The following NFYB variants were observed in gnomAD, a reference collection of about 807,000 sequenced individuals.
NFYB encodes nuclear transcription factor Y subunit beta.
NFYB carries 13 observed loss-of-function variants against 28.0 expected under a neutral mutation model. The observed-to-expected ratio is 0.46, with a 90% confidence interval of 0.30 to 0.74. The LOEUF (loss-of-function observed/expected upper bound fraction) is 0.74. Among genes scored for constraint, NFYB ranks in the 30% least tolerant of loss-of-function variants. The pLI, the probability that NFYB is intolerant of heterozygous loss-of-function variation, is 0.07. For synonymous variants in NFYB, 74 were observed against 75.0 expected, an observed-to-expected ratio of 0.99 and a Z score of 0.07; for missense variants, 142 against 247.6, an observed-to-expected ratio of 0.57 and a Z score of 2.86.
At chr12:104,128,637 A>G (rs1299768679) in intron 2 of NFYB, 120 bp from the exon 3 acceptor site, 7 of 543,504 alleles carry the variant, frequency 1.3e-5, no homozygotes, top group Non-Finnish European at 2.3e-5. Context: ...CCTTAAGCTT[A>G]CTAAAAGAGA....
chr12:104,128,586 T>C, intron 2 of NFYB, 69 bp from the exon 3 acceptor site: 7 of 1,017,388 alleles, frequency 6.9e-6, no homozygotes, highest in South Asian at 6.8e-5. Context: ...TCAACACTTA[T>C]AAACTGTCAC....
chr12:104,121,938 T>C (rs2030491744), intron 5 of NFYB, among the ~76,000 whole-genome samples: 1 of 152,210 alleles, frequency 6.6e-6, no homozygotes, highest in Admixed American at 6.5e-5. Flanking sequence ...TAAGCTGGCA[T>C]GTGGAAATAA....
intron 2 of NFYB, among the ~76,000 whole-genome samples, chr12:104,129,304 T>C (rs1565826162): frequency 1.4e-5 from 2 of 148,014 alleles, no homozygotes; most frequent in Admixed American, 1.4e-4. Flanking sequence ...ACCTGTCTCT[T>C]AAAAAAAAAA....
intron 3 of NFYB, among the ~76,000 whole-genome samples, chr12:104,127,583 TAAA>T (rs71069718): frequency 8.5e-5 from 7 of 82,482 alleles, no homozygotes; most frequent in Non-Finnish European, 1.5e-4. Context: ...AAATAAAAAA[TAAA>T]AAAAAAAAAA....
chr12:104,126,829 G>T (rs2030735228), intron 3 of NFYB, among the ~76,000 whole-genome samples: 1 of 152,136 alleles, frequency 6.6e-6, no homozygotes. Context: ...ACTCATTTAT[G>T]TAAAAGTCTA....
In NFYB at chr12:104,120,418, G is replaced by A. The variant is rs762175011; in HGVS notation, c.573C>T (p.Tyr191=). The A allele has an allele frequency of 2.9e-5, 47 of 1,613,370 alleles. No homozygotes were observed. Among genetic ancestry groups the A allele is most frequent in the Middle Eastern group, 3.4e-4 (2 of 5,844 alleles). The change falls in exon 7 of 8, where the codon TAC becomes TAT. Residue 191 remains tyrosine (Y), a synonymous_variant. Transcript: ENST00000240055. ...ACTGTACCTGTTGATATGATGTTGTGTAAACCATAACATTTTGTTGTTGAC... is the reference window on the plus strand; with the variant it reads ...ACTGTACCTGTTGATATGATGTTGTATAAACCATAACATTTTGTTGTTGAC... ...TDGQQQNVMV[Y]TTSYQQISGV... is the part of the protein sequence containing the mutation.
intron 4 of NFYB, chr12:104,125,161 G>C (rs887610927): frequency 6.6e-6 from 1 of 152,060 alleles, no homozygotes; most frequent in Admixed American, 6.5e-5. Context: ...GATTTGTTTT[G>C]GAAAATTCTT....
intron 6 of NFYB, among the ~76,000 whole-genome samples, chr12:104,120,819 C>T (rs948423453): frequency 6.6e-6 from 1 of 152,066 alleles, no homozygotes; most frequent in African/African-American, 2.4e-5. Flanking sequence ...AACTGAGCAG[C>T]ATATAGTTTA....
At chr12:104,135,297 G>A in intron 2 of NFYB, 151 bp downstream of exon 2, 1 of 573,540 alleles carries the variant, frequency 1.7e-6, no homozygotes, top group Non-Finnish European at 3.0e-6. Context: ...TGAAAATAAG[G>A]AAGCAACAGG....
intron 4 of NFYB, among the ~76,000 whole-genome samples, chr12:104,123,630 G>A (rs2030566970): frequency 6.6e-6 from 1 of 152,196 alleles, no homozygotes; most frequent in South Asian, 2.1e-4. Context: ...AGTGAGAGAA[G>A]CCTTGACAAC....
At chr12:104,120,848 AAT>A in intron 6 of NFYB, among the ~76,000 whole-genome samples, 1 of 152,308 alleles carries the variant, frequency 6.6e-6, no homozygotes, top group Middle Eastern at 3.4e-3. Flanking sequence ...AAATATATAT[AAT>A]GAGAAATTTA....
chr12:104,133,534 A>C (rs1369641965), intron 2 of NFYB, among the ~76,000 whole-genome samples: 1 of 152,160 alleles, frequency 6.6e-6, no homozygotes, highest in Non-Finnish European at 1.5e-5. Flanking sequence ...TTGTGTTTTC[A>C]GCTTCCCCAT....
Position 104,128,457 on chromosome 12 carries a change from C to T in NFYB, c.67G>A (p.Gly23Arg), listed in dbSNP as rs574317376. ...SQLGISADYIGGSHYVIQPHD... is the reference protein window; with the variant it reads ...SQLGISADYIRGSHYVIQPHD... ...GGCTGTATAACATAATGACTTCCTC[C>T]AATATAGTCTGCAGAGATTCCTAGT... The change falls in exon 3 of 8, where the codon GGA becomes AGA. Residue 23 changes from glycine to arginine, a missense_variant. By Grantham distance (125) the Gly-to-Arg change is moderately radical. Transcript: ENST00000240055. The T allele has an allele frequency of 8.1e-6, 13 of 1,612,280 alleles. No homozygotes were observed. The highest frequency in any genetic ancestry group is 1.1e-5 in the Non-Finnish European group (13 of 1,178,990).
intron 3 of NFYB, among the ~76,000 whole-genome samples, chr12:104,126,587 C>T (rs967346146): frequency 6.6e-6 from 1 of 152,120 alleles, no homozygotes; most frequent in African/African-American, 2.4e-5. Context: ...TTTTCTCTTA[C>T]ACATTTTTAG....
chr12:104,130,987 A>G (rs1207114481), intron 2 of NFYB: 1 of 152,204 alleles, frequency 6.6e-6, no homozygotes, highest in African/African-American at 2.4e-5. Flanking sequence ...TTTACATGAT[A>G]CCATTAAGTC....
intron 3 of NFYB, 97 bp from the exon 4 acceptor site, chr12:104,126,341 T>A: frequency 3.3e-6 from 3 of 918,776 alleles, no homozygotes; most frequent in Non-Finnish European, 4.5e-6. Flanking sequence ...ATCATTCTGG[T>A]TCACCTCTTA....
At chr12:104,130,585 C>A (rs2030887118) in intron 2 of NFYB, among the ~76,000 whole-genome samples, 1 of 152,176 alleles carries the variant, frequency 6.6e-6, no homozygotes, top group Admixed American at 6.5e-5. Flanking sequence ...GACTCTCCTA[C>A]TGATCCCCTG....
chr12:104,135,314 C>T (rs2031061477), intron 2 of NFYB, 134 bp downstream of exon 2: 1 of 660,978 alleles, frequency 1.5e-6, no homozygotes, highest in Non-Finnish European at 2.5e-6. Flanking sequence ...CAGGAATGAG[C>T]AGAGGTACTG....
rs17035239 is a variant in NFYB at position 104,132,943 on chromosome 12, A to G, written c.6+2505T>C. Among the ~76,000 whole-genome samples the G allele has an allele frequency of 8.4e-3, 1,275 of 152,346 alleles. 13 individuals carry two copies. Among genetic ancestry groups the G allele is most frequent in the African/African-American group, 0.028 (1,158 of 41,570 alleles). ...ACTCAAGGAACTGATAAATATGGAC[A>G]AAGAGTGGTTAAATCCCAATAAATT... On this transcript the variant is annotated intron_variant, in intron 2 of 7. Coordinates refer to ENST00000240055, the MANE Select transcript of NFYB (RefSeq NM_006166.4).
Sources: allele counts gnomAD v4.1 joint callset (sites outside exome capture counted in the v4.1 genomes callset), GRCh38; gene constraint gnomAD v4.1.1; transcripts MANE v1.5; gene names NCBI Gene and HGNC (gene_info 2026-07-23, HGNC 2026-07-21).